DSCAM: variants seen among roughly 807,000 people sequenced by gnomAD.
The protein encoded by DSCAM is cell adhesion molecule DSCAM.
A neutral mutation model predicts 217.7 loss-of-function variants in DSCAM; 47 were observed. The ratio of observed to expected loss-of-function variants is 0.22; its 90% CI spans 0.17 to 0.28. The LOEUF (loss-of-function observed/expected upper bound fraction) is 0.28, where lower values mean the gene tolerates loss of function less well. DSCAM is among the 10% of genes least tolerant of loss of function. The pLI is 1.00. For synonymous variants in DSCAM, 1,056 were observed against 1,015.3 expected, an observed-to-expected ratio of 1.04 and a Z score of -0.76; for missense variants, 2,080 against 2,618.3, an observed-to-expected ratio of 0.79 and a Z score of 4.49.
chr21:40,527,487 T>C (rs1161570310), intron 3 of DSCAM, among the ~76,000 whole-genome samples: 1 of 152,112 alleles, frequency 6.6e-6, no homozygotes, highest in Non-Finnish European at 1.5e-5. Flanking sequence ...GAAACAATGA[T>C]CCAGTTCTCC....
chr21:40,203,462 C>A (rs2091092105), intron 11 of DSCAM, among the ~76,000 whole-genome samples: 1 of 152,228 alleles, frequency 6.6e-6, no homozygotes, highest in African/African-American at 2.4e-5. Context: ...TTTGTGGCAT[C>A]CCTCCCCTAC....
chr21:40,224,336 G>A (rs2091312876), intron 11 of DSCAM, among the ~76,000 whole-genome samples: 1 of 152,170 alleles, frequency 6.6e-6, no homozygotes, highest in African/African-American at 2.4e-5. Context: ...AATGTCTCTG[G>A]TATTTACACA....
chr21:40,775,403 G>A (rs2091479399), intron 1 of DSCAM, among the ~76,000 whole-genome samples: 1 of 152,150 alleles, frequency 6.6e-6, no homozygotes, highest in South Asian at 2.1e-4. Context: ...GTGTGTCTGT[G>A]AGGGTATTTC....
intron 27 of DSCAM, 48 bp from the exon 28 acceptor site, chr21:40,062,947 A>C (rs1305875921): frequency 1.3e-6 from 2 of 1,528,628 alleles, no homozygotes; most frequent in African/African-American, 2.8e-5. Flanking sequence ...ACTCATTAAC[A>C]TTCACTTAGG....
rs547053431 is a variant in DSCAM, at chr21:40,057,232, G to A, written c.4920-1392C>T. On this transcript the variant is annotated intron_variant, in intron 28 of 32. Transcript: ENST00000400454. Reference sequence around the variant, plus strand: ...AGCCCAAATTCAAACGTTTTGTCCTGACTTTTCACATGGTCTCCAAGCTCT... The same window carrying A: ...AGCCCAAATTCAAACGTTTTGTCCTAACTTTTCACATGGTCTCCAAGCTCT... 2.8e-4 allele frequency among the ~76,000 whole-genome samples: 43 copies of A among 152,304 alleles called. No individual in the cohort carries two copies. In the South Asian group the frequency reaches 6.2e-3, roughly 22 times the overall value.
At position 40,370,022 on chromosome 21, in the gene DSCAM, G is replaced by A. The variant is rs369883447; in HGVS notation, c.509-777C>T. Among the ~76,000 whole-genome samples the A allele has an allele frequency of 1.1e-4, 16 of 152,140 alleles. No homozygotes were observed. The East Asian group carries it at 1.2e-3, about 11-fold the overall frequency. Reference sequence around the variant, plus strand: ...CTATCTGTAACCTCTAATTTTTACCGGTAAAGCTTCAGTTGAACAGAAAGG... The same window carrying A: ...CTATCTGTAACCTCTAATTTTTACCAGTAAAGCTTCAGTTGAACAGAAAGG... On this transcript the variant is annotated intron_variant, in intron 3 of 32. Transcript: ENST00000400454.
intron 3 of DSCAM, among the ~76,000 whole-genome samples, chr21:40,493,875 A>ATATATAT (rs1453613615): frequency 7.4e-6 from 1 of 135,166 alleles, no homozygotes; most frequent in African/African-American, 2.9e-5. Flanking sequence ...AAAAAAAAAA[A>ATATATAT]AAAAATATAT....
At chr21:40,723,090 C>CTTTTTTT (rs3071003) in intron 1 of DSCAM, among the ~76,000 whole-genome samples, 1 of 139,582 alleles carries the variant, frequency 7.2e-6, no homozygotes. Context: ...CTCTCTCGCT[C>CTTTTTTT]TTTTTTTTTT....
At position 40,698,869 on chromosome 21, in the gene DSCAM, TAAAAAA is replaced by T. The variant is rs56775350; in HGVS notation, c.362-5919_362-5914del. Among the ~76,000 whole-genome samples the T allele has an allele frequency of 1.1e-4, 12 of 107,988 alleles. No individual in the cohort carries two copies. In the South Asian group the frequency reaches 3.1e-3, roughly 28 times the overall value. 70.8% of individuals were successfully genotyped at this position (107,988 alleles called of 152,430 possible). On this transcript the variant is annotated intron_variant, in intron 2 of 32. Coordinates refer to ENST00000400454, the MANE Select transcript of DSCAM (RefSeq NM_001389.5). ...TGGGCGACAGAGCGAGAATCCGTCTTAAAAAAAAAAAAAAAAAAAAAAAAAGAGTCG... is the reference window on the plus strand; with the variant it reads ...TGGGCGACAGAGCGAGAATCCGTCTTAAAAAAAAAAAAAAAAAAAGAGTCG...
At chr21:40,662,296 T>A (rs1390093374) in intron 3 of DSCAM, among the ~76,000 whole-genome samples, 2 of 152,200 alleles carry the variant, frequency 1.3e-5, no homozygotes, top group African/African-American at 2.4e-5. Flanking sequence ...TTCCTTTTTT[T>A]AATCCTCTAT....
intron 3 of DSCAM, among the ~76,000 whole-genome samples, chr21:40,492,701 A>T (rs2076085927): frequency 6.6e-6 from 1 of 151,664 alleles, no homozygotes; most frequent in African/African-American, 2.4e-5. Flanking sequence ...AGAAAGAATG[A>T]GAAAATTTGA....
At chr21:40,209,440 A>G (rs1421618415) in intron 11 of DSCAM, among the ~76,000 whole-genome samples, 1 of 151,726 alleles carries the variant, frequency 6.6e-6, no homozygotes, top group Non-Finnish European at 1.5e-5. Context: ...TTCCACTCTT[A>G]CCCTTGCTGA....
intron 10 of DSCAM, among the ~76,000 whole-genome samples, chr21:40,277,535 G>C (rs1301101972): frequency 6.6e-6 from 1 of 152,068 alleles, no homozygotes; most frequent in East Asian, 1.9e-4. Context: ...GGTACCTAAG[G>C]GGACCTTTCA....
intron 3 of DSCAM, among the ~76,000 whole-genome samples, chr21:40,681,323 G>C (rs2146423095): frequency 6.6e-6 from 1 of 152,300 alleles, no homozygotes; most frequent in South Asian, 2.1e-4. Flanking sequence ...TTCTGACACA[G>C]ACCAGGCTAC....
chr21:40,348,608 C>T (rs2074592957), intron 5 of DSCAM, among the ~76,000 whole-genome samples: 1 of 152,200 alleles, frequency 6.6e-6, no homozygotes, highest in South Asian at 2.1e-4. Flanking sequence ...CCACACAGCT[C>T]CTATCAACCA....
intron 3 of DSCAM, among the ~76,000 whole-genome samples, chr21:40,489,798 A>AAAAAT (rs2076061469): frequency 6.7e-6 from 1 of 149,664 alleles, no homozygotes; most frequent in Admixed American, 6.6e-5. Context: ...AAAAAAAAAA[A>AAAAAT]AAATAAGTAC....
intron 2 of DSCAM, among the ~76,000 whole-genome samples, chr21:40,693,679 T>TTTTCATTATTAAA (rs2090565282): frequency 6.6e-6 from 1 of 152,112 alleles, no homozygotes; most frequent in Non-Finnish European, 1.5e-5. Flanking sequence ...TTAAAATAAT[T>TTTTCATTATTAAA]TTTCATTAGT....
At chr21:40,169,479 G>A (rs575922178) in intron 15 of DSCAM, among the ~76,000 whole-genome samples, 3 of 152,180 alleles carry the variant, frequency 2.0e-5, no homozygotes, top group Non-Finnish European at 2.9e-5. Context: ...TAAGATGCAG[G>A]GATTGCTACT....
chr21:40,336,288 T>C (rs941245580), intron 8 of DSCAM, among the ~76,000 whole-genome samples: 3 of 152,198 alleles, frequency 2.0e-5, no homozygotes, highest in Non-Finnish European at 4.4e-5. Flanking sequence ...AAACAATTTC[T>C]TACAGATAAA....
Sources: allele counts gnomAD v4.1 joint callset (sites outside exome capture counted in the v4.1 genomes callset), GRCh38; gene constraint gnomAD v4.1.1; transcripts MANE v1.5; gene names NCBI Gene and HGNC (gene_info 2026-07-23, HGNC 2026-07-21).